Variants in SNAP91 observed in about 807,000 individuals in gnomAD.
The protein encoded by SNAP91 is synaptosome associated protein 91.
SNAP91 carries 27 observed loss-of-function variants against 100.3 expected under a neutral mutation model. That is an observed-to-expected ratio of 0.27 (90% CI 0.20 to 0.37). The LOEUF (loss-of-function observed/expected upper bound fraction) is 0.37, where lower values mean the gene tolerates loss of function less well. SNAP91 is among the 10% of genes least tolerant of loss of function. SNAP91 has a pLI of 1.00. For missense variants in SNAP91, 986 were observed against 1,123.7 expected (o/e 0.88, Z 1.75); for synonymous variants, 404 against 398.6 (o/e 1.01, Z -0.16).
chr6:83,597,055 A>T (rs2094550844), intron 16 of SNAP91, among the ~76,000 whole-genome samples: 1 of 152,216 alleles, frequency 6.6e-6, no homozygotes, highest in Non-Finnish European at 1.5e-5. Context: ...GGTTTTAAAA[A>T]ATCCCCTTGT....
rs1223163521 is a variant in SNAP91 at position 83,659,493 on chromosome 6, T to TA, written c.453-402dup. 2.0e-5 allele frequency among the ~76,000 whole-genome samples: 3 copies of TA among 149,424 alleles called. No individual in the cohort carries two copies. The East Asian group carries it at 6.0e-4, about 30-fold the overall frequency. Reference sequence around the variant, plus strand: ...AAACTGGAGTGCAATGGCATGATCATAGCTCACTGTAATCTCAAACTCCTG... The same window carrying TA: ...AAACTGGAGTGCAATGGCATGATCATAAGCTCACTGTAATCTCAAACTCCTG... On this transcript the variant is annotated intron_variant, in intron 5 of 29. Transcript: ENST00000369694.
chr6:83,562,427 T>A (rs1376585738), intron 26 of SNAP91, among the ~76,000 whole-genome samples: 2 of 152,112 alleles, frequency 1.3e-5, no homozygotes. Flanking sequence ...AAGAAAAAAA[T>A]TACATGATTA....
At chr6:83,644,133 G>A (rs2128580344) in intron 7 of SNAP91, among the ~76,000 whole-genome samples, 1 of 152,098 alleles carries the variant, frequency 6.6e-6, no homozygotes, top group South Asian at 2.1e-4. Context: ...CTGATCTTCA[G>A]CAATAATACA....
At chr6:83,617,869 A>G (rs187742765) in intron 9 of SNAP91, among the ~76,000 whole-genome samples, 181 of 152,004 alleles carry the variant, frequency 1.2e-3, no homozygotes, top group African/African-American at 3.7e-3. Context: ...TACAAATTAG[A>G]CCTTAACAGC....
At chr6:83,554,961 G>A (rs1358684409) in intron 29 of SNAP91, among the ~76,000 whole-genome samples, 1 of 152,016 alleles carries the variant, frequency 6.6e-6, no homozygotes, top group African/African-American at 2.4e-5. Context: ...TCTCTCTCAG[G>A]CAAGGACTGT....
intron 8 of SNAP91, among the ~76,000 whole-genome samples, chr6:83,632,610 T>A (rs2097255371): frequency 6.6e-6 from 1 of 152,134 alleles, no homozygotes; most frequent in African/African-American, 2.4e-5. Context: ...CTTTGCTAGA[T>A]TGGGTTAATT....
intron 10 of SNAP91, among the ~76,000 whole-genome samples, chr6:83,616,249 G>A (rs2096479464): frequency 6.6e-6 from 1 of 152,112 alleles, no homozygotes; most frequent in South Asian, 2.1e-4. Flanking sequence ...CCTAAGACTT[G>A]CAGAATTATA....
At chr6:83,639,330 C>G (rs2097582934) in intron 8 of SNAP91, among the ~76,000 whole-genome samples, 1 of 152,086 alleles carries the variant, frequency 6.6e-6, no homozygotes, top group Non-Finnish European at 1.5e-5. Context: ...CACTGGTATT[C>G]AAACATTGTG....
intron 14 of SNAP91, among the ~76,000 whole-genome samples, chr6:83,604,932 G>A (rs1314317256): frequency 1.3e-5 from 2 of 152,062 alleles, no homozygotes; most frequent in East Asian, 1.9e-4. Flanking sequence ...AGTTGTACAA[G>A]GCATGTCTTA....
intron 26 of SNAP91, among the ~76,000 whole-genome samples, chr6:83,565,054 T>C (rs1794675378): frequency 6.7e-6 from 1 of 150,212 alleles, no homozygotes; most frequent in Admixed American, 6.7e-5. Flanking sequence ...CTCTTTCAAC[T>C]CCATAATAAA....
chr6:83,589,791 A>G (rs1428425674), intron 22 of SNAP91, among the ~76,000 whole-genome samples: 1 of 152,148 alleles, frequency 6.6e-6, no homozygotes, highest in African/African-American at 2.4e-5. Context: ...TTTGACCTCA[A>G]CTCAAACTCC....
intron 26 of SNAP91, among the ~76,000 whole-genome samples, chr6:83,573,273 T>A (rs1398762873): frequency 1.3e-5 from 2 of 152,122 alleles, no homozygotes; most frequent in Non-Finnish European, 2.9e-5. Context: ...CAAGGAGAAC[T>A]ACAAACCACT....
intron 7 of SNAP91, among the ~76,000 whole-genome samples, chr6:83,646,106 T>C (rs2097908175): frequency 6.6e-6 from 1 of 152,246 alleles, no homozygotes; most frequent in South Asian, 2.1e-4. Flanking sequence ...GAGTTCTTTG[T>C]ATATTTTGGA....
Position 83,696,413 on chromosome 6 carries a change from G to A in SNAP91, c.130+11385C>T, listed in dbSNP as rs57847941. On this transcript the variant is annotated intron_variant, in intron 2 of 29. Transcript: ENST00000369694. ...AGAAAGTATAATTTTGCCACTTTGG[G>A]ACTCAGCTCACTCATCTATAAAAAT... 4.8e-3 allele frequency among the ~76,000 whole-genome samples: 732 copies of A among 152,220 alleles called. 3 individuals carry two copies. The highest frequency in any genetic ancestry group is 0.017 in the African/African-American group (697 of 41,546).
Position 83,649,454 on chromosome 6 carries a change from A to G in SNAP91, c.658+7300T>C, listed in dbSNP as rs117909650. Among the ~76,000 whole-genome samples the G allele has an allele frequency of 1.2e-4, 18 of 152,326 alleles. No individual in the cohort carries two copies. In the East Asian group the frequency reaches 3.5e-3, roughly 29 times the overall value. On this transcript the variant is annotated intron_variant, in intron 7 of 29. Coordinates refer to ENST00000369694, the MANE Select transcript of SNAP91 (RefSeq NM_001242792.2). ...AGCAAGAACTAGTGAGGAAGAAATC[A>G]AGGTGTCTCTTACAACTTAGTGTCA...
At chr6:83,597,101 C>A (rs1412652350) in intron 16 of SNAP91, among the ~76,000 whole-genome samples, 2 of 152,162 alleles carry the variant, frequency 1.3e-5, no homozygotes, top group African/African-American at 4.8e-5. Context: ...TCTCTTGTTA[C>A]TTGAAACTAA....
intron 7 of SNAP91, among the ~76,000 whole-genome samples, chr6:83,649,255 G>T (rs915483725): frequency 6.6e-6 from 1 of 152,172 alleles, no homozygotes; most frequent in African/African-American, 2.4e-5. Flanking sequence ...TAGTCAAACT[G>T]CTGGCCATGC....
chr6:83,610,605 T>TA (rs1282740073), intron 12 of SNAP91, 45 bp downstream of exon 12: 2 of 589,780 alleles, frequency 3.4e-6, no homozygotes, highest in East Asian at 2.9e-5. Flanking sequence ...GGTAAAATGG[T>TA]AAAAAACAAA....
chr6:83,605,758 A>G lies in SNAP91; in HGVS notation c.1068T>C (p.Phe356=). The part of the protein sequence containing the change: ...SSDLLDLQPD[F]SSGGAAAAAA... The stretch of plus-strand genomic sequence containing the variant: ...CGGCTGCTGCTGCCCCTCCAGAGGA[A>G]AAGTCTGGCTGGAGGTCCAGGAGAT... The change falls in exon 14 of 30, where the codon TTT becomes TTC. Residue 356 remains phenylalanine, a synonymous_variant. Coordinates refer to ENST00000369694, the MANE Select transcript of SNAP91 (RefSeq NM_001242792.2). 2 of 1,553,420 alleles carry G rather than the reference A, an allele frequency of 1.3e-6. No homozygotes were observed. Among genetic ancestry groups the G allele is most frequent in the Non-Finnish European group, 1.7e-6 (2 of 1,147,980 alleles).
Sources: allele counts gnomAD v4.1 joint callset (sites outside exome capture counted in the v4.1 genomes callset), GRCh38; gene constraint gnomAD v4.1.1; transcripts MANE v1.5; gene names NCBI Gene and HGNC (gene_info 2026-07-23, HGNC 2026-07-21).